Variants in NF1 observed in about 807,000 individuals in gnomAD.
NF1 encodes neurofibromin.
Under a neutral mutation model 325.7 loss-of-function variants are expected in NF1, and 122 were observed. That is an observed-to-expected ratio of 0.37 (90% CI 0.32 to 0.44). The LOEUF (loss-of-function observed/expected upper bound fraction) is 0.44. Among genes scored for constraint, NF1 ranks in the 20% least tolerant of loss-of-function variants. The pLI is 1.00. For synonymous variants in NF1, 1,091 were observed against 1,186.0 expected (o/e 0.92, Z 1.65); for missense variants, 2,140 against 3,415.4 (o/e 0.63, Z 9.31).
intron 2 of NF1, among the ~76,000 whole-genome samples, chr17:31,157,153 A>T (rs2143634794): frequency 6.6e-6 from 1 of 151,968 alleles, no homozygotes; most frequent in Non-Finnish European, 1.5e-5. Flanking sequence ...TGCTCGGCTA[A>T]TTTTTTTGTA....
At chr17:31,309,692 G>GA (rs2068817675) in intron 36 of NF1, among the ~76,000 whole-genome samples, 1 of 152,138 alleles carries the variant, frequency 6.6e-6, no homozygotes, top group Non-Finnish European at 1.5e-5. Context: ...TCAGTTAGCT[G>GA]AAAAAGGCAT....
intron 1 of NF1, among the ~76,000 whole-genome samples, chr17:31,121,044 A>G (rs558302585): frequency 1.7e-4 from 26 of 152,212 alleles, no homozygotes; most frequent in Non-Finnish European, 3.5e-4. Flanking sequence ...CACAACAACC[A>G]TGTATTAGTT....
At chr17:31,308,525 C>T (rs1009817250) in intron 36 of NF1, among the ~76,000 whole-genome samples, 1 of 152,202 alleles carries the variant, frequency 6.6e-6, no homozygotes, top group Non-Finnish European at 1.5e-5. Context: ...ACTGAAACTT[C>T]TTATCCAGCC....
At chr17:31,332,956 A>G (rs1418403773) in intron 39 of NF1, among the ~76,000 whole-genome samples, 2 of 152,178 alleles carry the variant, frequency 1.3e-5, no homozygotes. Context: ...CAAAAAAAGA[A>G]AAAAGCCAGG....
At position 31,238,537 on chromosome 17, in the gene NF1, A is replaced by G. The variant is rs191095888; in HGVS notation, c.3974+2516A>G. Among the ~76,000 whole-genome samples the G allele has an allele frequency of 2.2e-3, 333 of 152,218 alleles. 1 individual carries two copies. Among genetic ancestry groups the G allele is most frequent in the African/African-American group, 7.5e-3 (313 of 41,546 alleles). ...ATCACGAAGTCAGGAGATCGAGACC[A>G]TACTGTCTAACATGGTGAAACCCTG... On this transcript the variant is annotated intron_variant, in intron 29 of 57. Transcript: ENST00000358273.
At chr17:31,110,912 A>C (rs904079604) in intron 1 of NF1, among the ~76,000 whole-genome samples, 1 of 151,696 alleles carries the variant, frequency 6.6e-6, no homozygotes, top group African/African-American at 2.4e-5. Flanking sequence ...AAACAAAAAC[A>C]AAAAAAACCC....
intron 36 of NF1, chr17:31,278,312 G>A (rs974659355): frequency 6.6e-6 from 1 of 151,290 alleles, no homozygotes; most frequent in African/African-American, 2.4e-5. Flanking sequence ...GCACTTTCTT[G>A]AGAATTTCAA....
At chr17:31,148,820 ATTTG>A (rs1320686514) in intron 1 of NF1, among the ~76,000 whole-genome samples, 10 of 152,188 alleles carry the variant, frequency 6.6e-5, no homozygotes, top group South Asian at 2.1e-4. Context: ...TTTTCAGTTG[ATTTG>A]TTTATTTTTG....
intron 46 of NF1, among the ~76,000 whole-genome samples, chr17:31,339,910 A>G (rs1433796891): frequency 6.6e-6 from 1 of 152,214 alleles, no homozygotes; most frequent in African/African-American, 2.4e-5. Flanking sequence ...GAATGCCAGG[A>G]CAATGGAGGG....
In NF1 at chr17:31,200,568, T is replaced by C. The variant is rs2143874306; in HGVS notation, c.1035T>C (p.Leu345=). 6.2e-7 allele frequency: 1 copy of C among 1,614,180 alleles called. No homozygotes were observed. The highest frequency in any genetic ancestry group is 8.5e-7 in the Non-Finnish European group (1 of 1,180,016). Residue 345 remains leucine (L), a synonymous_variant, in exon 9 of 58, where the codon CTT becomes CTC. Transcript: ENST00000358273. The part of the protein sequence containing the change: ...NWEDNSVIFL[L]VQSMVVDLKN... ...AAGATAACTCTGTCATTTTCCTACT[T>C]GTTCAGTCCATGGTGGTTGATCTTA...
chr17:31,258,419 G>C lies in NF1; in HGVS notation c.4249G>C (p.Ala1417Pro). 6.2e-7 allele frequency: 1 copy of C among 1,613,884 alleles called. No individual in the cohort carries two copies. The highest frequency in any genetic ancestry group is 1.1e-5 in the South Asian group (1 of 91,062). ...CATGTTCCTCAGATTTATCAATCCTGCCATTGTCTCACCGTATGAAGCAGG... is the reference window on the plus strand; with the variant it reads ...CATGTTCCTCAGATTTATCAATCCTCCCATTGTCTCACCGTATGAAGCAGG... Reference protein sequence around the residue: ...SAMFLRFINPAIVSPYEAGIL... With the variant: ...SAMFLRFINPPIVSPYEAGIL... Residue 1417 changes from alanine to proline, a missense_variant, in exon 32 of 58, where the codon GCC becomes CCC. Ala to Pro is a conservative substitution (Grantham distance 27). Around this residue, in one of 10 missense-constraint regions of NF1, gnomAD observed 336 missense variants for 399.0 expected, o/e 0.84. Transcript: ENST00000358273.
chr17:31,097,065 T>A (rs1347195218), intron 1 of NF1, among the ~76,000 whole-genome samples: 1 of 152,210 alleles, frequency 6.6e-6, no homozygotes, highest in Non-Finnish European at 1.5e-5. Context: ...ATTTTAAAAA[T>A]TAAAAATTTT....
intron 18 of NF1, 91 bp downstream of exon 18, chr17:31,226,775 A>C: frequency 1.3e-6 from 2 of 1,539,378 alleles, no homozygotes; most frequent in Non-Finnish European, 8.9e-7. Flanking sequence ...CTACTTTGTA[A>C]GTTTACAGGG....
intron 36 of NF1, among the ~76,000 whole-genome samples, chr17:31,289,613 C>T (rs1345575680): frequency 6.6e-6 from 1 of 151,960 alleles, no homozygotes; most frequent in Admixed American, 6.6e-5. Flanking sequence ...CTAATATTTG[C>T]GTTTTCCACA....
At chr17:31,173,079 G>T (rs1168943456) in intron 5 of NF1, among the ~76,000 whole-genome samples, 2 of 151,688 alleles carry the variant, frequency 1.3e-5, no homozygotes, top group East Asian at 3.9e-4. Context: ...TTAGGAGTTC[G>T]AGACCAGCCT....
chr17:31,318,328 T>A, intron 36 of NF1: 2 of 1,609,874 alleles, frequency 1.2e-6, no homozygotes, highest in Non-Finnish European at 1.7e-6. Context: ...GTTAGTAAGT[T>A]TTTCAGTTCC....
intron 57 of NF1, among the ~76,000 whole-genome samples, chr17:31,365,330 C>A (rs1430112248): frequency 6.7e-6 from 1 of 148,568 alleles, no homozygotes; most frequent in Non-Finnish European, 1.5e-5. Flanking sequence ...TAATAGGATC[C>A]ATTTCCAAAG....
chr17:31,230,701 A>G, intron 23 of NF1, 141 bp from the exon 24 acceptor site: 1 of 725,604 alleles, frequency 1.4e-6, no homozygotes, highest in Non-Finnish European at 2.4e-6. Context: ...CTGTGATAGC[A>G]GTATCTCTTT....
intron 36 of NF1, among the ~76,000 whole-genome samples, chr17:31,291,876 C>T (rs1202988634): frequency 1.3e-5 from 2 of 152,188 alleles, no homozygotes; most frequent in Non-Finnish European, 2.9e-5. Flanking sequence ...TCCTTTCATT[C>T]CCTTGCTCTC....
Sources: gnomAD v4.1 joint callset for allele counts (sites outside exome capture counted in the v4.1 genomes callset) on GRCh38, gnomAD v4.1.1 for gene constraint, gnomAD v4.1.1 regional missense constraint, MANE v1.5 for transcripts, NCBI Gene and HGNC (gene_info 2026-07-23, HGNC 2026-07-21) for gene names.